Variants in SH3GL3 observed in about 807,000 individuals in gnomAD.
The protein encoded by SH3GL3 is SH3 domain containing GRB2 like 3, endophilin A3.
SH3GL3 carries 33 observed loss-of-function variants against 47.7 expected under a neutral mutation model. The observed-to-expected ratio is 0.69, with a 90% CI of 0.52 to 0.92. The LOEUF (loss-of-function observed/expected upper bound fraction) is 0.92. Ranked by LOEUF, SH3GL3 falls within the 40% of genes least tolerant of loss-of-function variation. The pLI is 0.00. For synonymous variants in SH3GL3, 155 were observed against 148.8 expected, an observed-to-expected ratio of 1.04 and a Z score of -0.30; for missense variants, 363 against 417.8, an observed-to-expected ratio of 0.87 and a Z score of 1.14.
At chr15:83,614,468 C>CTA (rs1309893788) in intron 8 of SH3GL3, among the ~76,000 whole-genome samples, 1 of 152,164 alleles carries the variant, frequency 6.6e-6, no homozygotes, top group African/African-American at 2.4e-5. Context: ...AAGAGCTCCC[C>CTA]TACCATTACC....
chr15:83,565,304 C>T, intron 3 of SH3GL3, 98 bp downstream of exon 3: 2 of 771,148 alleles, frequency 2.6e-6, no homozygotes, highest in Non-Finnish European at 4.6e-6. Context: ...ACAATGTCGT[C>T]TGTGTCCCAA....
chr15:83,571,746 T>C (rs2045826980), intron 4 of SH3GL3, among the ~76,000 whole-genome samples: 1 of 152,190 alleles, frequency 6.6e-6, no homozygotes. Flanking sequence ...TCCATCTTTT[T>C]ACAAGATCAA....
chr15:83,613,655 CTAT>C (rs2060733388), intron 8 of SH3GL3, among the ~76,000 whole-genome samples: 1 of 149,992 alleles, frequency 6.7e-6, no homozygotes, highest in Non-Finnish European at 1.5e-5. Flanking sequence ...ATCTATCTAT[CTAT>C]CTATCTATCT....
In SH3GL3 at chr15:83,572,644, A is replaced by G; in HGVS notation, c.411A>G (p.Gln137=). 1.2e-6 allele frequency: 2 copies of G among 1,611,696 alleles called. No individual in the cohort carries two copies. The highest frequency in any genetic ancestry group is 1.1e-5 in the South Asian group (1 of 91,018). Residue 137 remains glutamine, a synonymous_variant, in exon 5 of 9, where the codon CAA becomes CAG. Coordinates refer to ENST00000427482, the MANE Select transcript of SH3GL3 (RefSeq NM_003027.5). The stretch of plus-strand genomic sequence containing the variant: ...ACTCTCTTGATATTAATGTAAAGCA[A>G]ACTTTTATTGATCCACTTCAGTTAC... ...VKDSLDINVK[Q]TFIDPLQLLQ...
At position 83,536,405 on chromosome 15, in the gene SH3GL3, C is replaced by CT. The variant is rs386383625; in HGVS notation, c.46-22832dup. Among the ~76,000 whole-genome samples the CT allele has an allele frequency of 4.0e-3, 454 of 113,678 alleles. 1 individual carries two copies. Among genetic ancestry groups the CT allele is most frequent in the Middle Eastern group, 0.018 (4 of 228 alleles). The allele number at this position is 113,678 out of a possible 152,430, so 74.6% of individuals were successfully genotyped here. On this transcript the variant is annotated intron_variant, in intron 1 of 8. Transcript: ENST00000427482. ...TTTTCTTTTTCTTTTCTTTTCTTTT[C>CT]TTTTTTTTTTTTTTTTGAGACAGAG...
chr15:83,468,862 G>A (rs1048305533), intron 1 of SH3GL3, among the ~76,000 whole-genome samples: 8 of 143,322 alleles, frequency 5.6e-5, no homozygotes, highest in African/African-American at 2.1e-4. Context: ...ACTGGGAAAT[G>A]TTCTTTCCTG....
chr15:83,599,431 G>C (rs1002865761), intron 8 of SH3GL3, among the ~76,000 whole-genome samples: 4 of 152,100 alleles, frequency 2.6e-5, no homozygotes, highest in South Asian at 2.1e-4. Flanking sequence ...CCCACTTATG[G>C]GTGAGAACAC....
At chr15:83,465,515 C>G (rs2040531623) in intron 1 of SH3GL3, among the ~76,000 whole-genome samples, 1 of 151,916 alleles carries the variant, frequency 6.6e-6, no homozygotes, top group African/African-American at 2.4e-5. Context: ...CCTTGGTATT[C>G]TAAGAAAGGT....
chr15:83,544,442 T>A (rs35268772), intron 1 of SH3GL3, among the ~76,000 whole-genome samples: 2,970 of 152,180 alleles, frequency 0.02, 32 homozygotes, highest in Middle Eastern at 0.037. Flanking sequence ...TTGGATGAAA[T>A]GTTCTGTAAA....
intron 8 of SH3GL3, among the ~76,000 whole-genome samples, chr15:83,597,086 A>G (rs1191373408): frequency 6.6e-6 from 1 of 152,208 alleles, no homozygotes; most frequent in Non-Finnish European, 1.5e-5. Context: ...TGTATGATCT[A>G]TTTTATAGTT....
intron 1 of SH3GL3, among the ~76,000 whole-genome samples, chr15:83,505,580 T>G (rs1596131055): frequency 1.4e-5 from 2 of 142,532 alleles, no homozygotes; most frequent in Admixed American, 7.6e-5. Flanking sequence ...CAGGCTGGGG[T>G]GCAGTGATGC....
intron 1 of SH3GL3, among the ~76,000 whole-genome samples, chr15:83,463,318 T>C (rs1159329186): frequency 1.3e-5 from 2 of 151,904 alleles, no homozygotes; most frequent in African/African-American, 2.4e-5. Flanking sequence ...TCTCCACCAA[T>C]GAACTGACGC....
At chr15:83,587,772 T>A (rs1260623318) in intron 7 of SH3GL3, among the ~76,000 whole-genome samples, 2 of 152,184 alleles carry the variant, frequency 1.3e-5, no homozygotes, top group Non-Finnish European at 2.9e-5. Flanking sequence ...TAATATTATA[T>A]ATAGTCTGCA....
chr15:83,568,532 A>T lies in SH3GL3; in HGVS notation c.191A>T (p.Tyr64Phe), dbSNP rs2045662594. The T allele has an allele frequency of 1.2e-6, 2 of 1,612,612 alleles. No homozygotes were observed. The highest frequency in any genetic ancestry group is 2.2e-5 in the East Asian group (1 of 44,868). The change falls in exon 4 of 9, where the codon TAC (tyrosine) becomes TTC (phenylalanine). Residue 64 changes from tyrosine (Y) to phenylalanine (F), a missense_variant. Coordinates refer to ENST00000427482, the MANE Select transcript of SH3GL3 (RefSeq NM_003027.5). ...TTEYLQPNPAYRAKLGMLNTV... is the reference protein window; with the variant it reads ...TTEYLQPNPAFRAKLGMLNTV... ...TACAAATGACAATGTTTTTAAGCAT[A>T]CAGAGCTAAGCTAGGAATGCTGAAC...
intron 2 of SH3GL3, among the ~76,000 whole-genome samples, chr15:83,563,245 T>A (rs554033307): frequency 1.3e-5 from 2 of 152,320 alleles, no homozygotes; most frequent in African/African-American, 4.8e-5. Flanking sequence ...TTTTTTTCCT[T>A]ATGATTAAAG....
intron 1 of SH3GL3, among the ~76,000 whole-genome samples, chr15:83,473,070 C>A (rs1189291229): frequency 2.0e-5 from 3 of 152,178 alleles, no homozygotes; most frequent in Admixed American, 6.5e-5. Context: ...CAACTGACAC[C>A]ATGGCGGGGG....
At chr15:83,624,303 A>C in the SH3GL3 span, among the ~76,000 whole-genome samples, 2 of 152,106 alleles carry the variant, frequency 1.3e-5, no homozygotes, top group Non-Finnish European at 2.9e-5. Context: ...ACTGGGTTTC[A>C]TTCAAATCTC....
chr15:83,621,913 C>T (rs551682039), downstream of SH3GL3, among the ~76,000 whole-genome samples: 1 of 152,116 alleles, frequency 6.6e-6, no homozygotes, highest in East Asian at 1.9e-4. Context: ...AAGCCAGGTT[C>T]CCCAGTCTTC....
chr15:83,471,168 G>T (rs2040814753), intron 1 of SH3GL3, among the ~76,000 whole-genome samples: 1 of 151,936 alleles, frequency 6.6e-6, no homozygotes, highest in Admixed American at 6.6e-5. Context: ...CCTTCTTTTA[G>T]GGTTGGTCTG....
Sources: gnomAD v4.1 joint callset for allele counts (sites outside exome capture counted in the v4.1 genomes callset) on GRCh38, gnomAD v4.1.1 for gene constraint, MANE v1.5 for transcripts, NCBI Gene and HGNC (gene_info 2026-07-23, HGNC 2026-07-21) for gene names.